The following MTMR3 variants were observed in gnomAD, a reference collection of about 807,000 sequenced individuals.
MTMR3 encodes myotubularin related protein 3.
A neutral mutation model predicts 132.4 loss-of-function variants in MTMR3; 32 were observed. That is an observed-to-expected ratio of 0.24 (90% CI 0.18 to 0.32). The LOEUF (loss-of-function observed/expected upper bound fraction) is 0.32. MTMR3 is among the 10% of genes least tolerant of loss of function. The probability of loss-of-function intolerance (pLI) is 1.00; values close to 1 mark genes in which losing one functional copy is unlikely to be tolerated. For missense variants in MTMR3, 1,216 were observed against 1,489.6 expected, an observed-to-expected ratio of 0.82 and a Z score of 3.02; for synonymous variants, 556 against 550.3, an observed-to-expected ratio of 1.01 and a Z score of -0.14.
intron 9 of MTMR3, chr22:30,005,139 T>C (rs1352036084): frequency 6.6e-6 from 1 of 152,210 alleles, no homozygotes; most frequent in African/African-American, 2.4e-5. Context: ...CTTAAGACAA[T>C]TCTGTTCCTA....
At position 30,006,873 on chromosome 22, in the gene MTMR3, T is replaced by G. The variant is rs2067283733; in HGVS notation, c.672-241T>G. 9 of 467,462 alleles carry G rather than the reference T, an allele frequency of 1.9e-5. No homozygotes were observed. The Admixed American group carries it at 3.2e-4, about 17-fold the overall frequency. 29.0% of individuals were successfully genotyped at this position (467,462 alleles called of 1,614,324 possible). The stretch of plus-strand genomic sequence containing the variant: ...CCATGCCTGACCCCTGTTAGTCATT[T>G]TTTTGGGTAACTTTACAGGGATCTC... On this transcript the variant is annotated intron_variant, in intron 9 of 19. Transcript: ENST00000401950.
intron 7 of MTMR3, chr22:29,993,386 TAC>T (rs1197773714): frequency 3.3e-5 from 5 of 152,226 alleles, no homozygotes; most frequent in African/African-American, 9.6e-5. Flanking sequence ...ATCTTACATG[TAC>T]AGTTTCTGAG....
At chr22:29,997,690 A>G (rs2067089269) in intron 7 of MTMR3, 1 of 152,128 alleles carries the variant, frequency 6.6e-6, no homozygotes, top group African/African-American at 2.4e-5. Flanking sequence ...GTTTCCTGAG[A>G]TTCCTGGCTG....
At chr22:29,914,752 A>G (rs1386603546) in intron 1 of MTMR3, among the ~76,000 whole-genome samples, 1 of 152,144 alleles carries the variant, frequency 6.6e-6, no homozygotes, top group Non-Finnish European at 1.5e-5. Flanking sequence ...AAACACTTCA[A>G]ATTAATACTG....
At chr22:29,903,342 G>A (rs1001738369) in intron 1 of MTMR3, among the ~76,000 whole-genome samples, 2 of 151,108 alleles carry the variant, frequency 1.3e-5, no homozygotes, top group African/African-American at 2.4e-5. Context: ...GTGGTTTGAC[G>A]TTTCAGAGAA....
At chr22:30,015,480 GTCAAGTC>G (rs2067560046) in intron 14 of MTMR3, 1 of 150,348 alleles carries the variant, frequency 6.7e-6, no homozygotes, top group South Asian at 2.1e-4. Context: ...CTTTGTCATC[GTCAAGTC>G]TCCTCCCTCC....
intron 1 of MTMR3, among the ~76,000 whole-genome samples, chr22:29,905,604 T>G (rs2065079068): frequency 6.6e-6 from 1 of 152,216 alleles, no homozygotes; most frequent in Non-Finnish European, 1.5e-5. Context: ...ATAAGGTACT[T>G]CCTTGATGTA....
intron 2 of MTMR3, among the ~76,000 whole-genome samples, chr22:29,962,721 G>A (rs1436496330): frequency 2.0e-5 from 3 of 152,072 alleles, no homozygotes; most frequent in Non-Finnish European, 2.9e-5. Flanking sequence ...CTCTCTTACC[G>A]TCGGTCTTTC....
intron 1 of MTMR3, among the ~76,000 whole-genome samples, chr22:29,906,252 CTGTCTGTCT>C (rs1568998218): frequency 0.084 from 9,461 of 112,456 alleles, 393 homozygotes; most frequent in East Asian, 0.14. Context: ...ATCCGTCTGT[CTGTCTGTCT>C]GTCTGTCTGT....
chr22:29,916,611 C>T (rs1396202701), intron 1 of MTMR3, among the ~76,000 whole-genome samples: 1 of 152,126 alleles, frequency 6.6e-6, no homozygotes, highest in Non-Finnish European at 1.5e-5. Context: ...GTATCTTGTC[C>T]AGTTTTTTAG....
At chr22:29,958,728 T>C (rs1426307746) in intron 2 of MTMR3, among the ~76,000 whole-genome samples, 3 of 152,240 alleles carry the variant, frequency 2.0e-5, no homozygotes, top group South Asian at 2.1e-4. Context: ...TTATTAGTTA[T>C]ATTTGTTGGT....
chr22:29,894,636 C>G (rs1049198738), intron 1 of MTMR3, among the ~76,000 whole-genome samples: 1 of 151,780 alleles, frequency 6.6e-6, no homozygotes, highest in Non-Finnish European at 1.5e-5. Context: ...CTTAGGCAAA[C>G]GATTTTTATT....
intron 8 of MTMR3, chr22:29,999,894 C>G (rs1646863807): frequency 1.3e-5 from 2 of 152,182 alleles, no homozygotes. Context: ...TGCCTGTAGT[C>G]CCAGCAACTT....
At chr22:29,999,724 A>C (rs1373865875) in intron 8 of MTMR3, 1 of 152,250 alleles carries the variant, frequency 6.6e-6, no homozygotes, top group Non-Finnish European at 1.5e-5. Context: ...TATTAATGTA[A>C]CCTTTATTTG....
At chr22:29,916,170 A>G (rs1420999309) in intron 1 of MTMR3, among the ~76,000 whole-genome samples, 2 of 152,150 alleles carry the variant, frequency 1.3e-5, no homozygotes, top group Admixed American at 6.5e-5. Flanking sequence ...CCCTCGGGCT[A>G]GTTGAGCTGT....
chr22:30,028,740 T>TACAA lies in MTMR3; in HGVS notation c.*2943_*2946dup, dbSNP rs2067959069. ...CTGAATGTACCTTCTACCTAAAGTATACAAACACAAAGAGCCAGCTGAGCT... is the reference window on the plus strand; with the variant it reads ...CTGAATGTACCTTCTACCTAAAGTATACAAACAAACACAAAGAGCCAGCTGAGCT... On this transcript the variant is annotated 3_prime_UTR_variant, in exon 20 of 20. Transcript: ENST00000401950. 2 of 152,336 alleles carry TACAA rather than the reference T, an allele frequency of 1.3e-5. No homozygotes were observed. Among genetic ancestry groups the TACAA allele is most frequent in the African/African-American group, 4.8e-5 (2 of 41,450 alleles). The allele number at this position is 152,336 out of a possible 1,614,324, so 9.4% of individuals were successfully genotyped here.
At chr22:29,896,268 C>T (rs999532544) in intron 1 of MTMR3, among the ~76,000 whole-genome samples, 2 of 152,192 alleles carry the variant, frequency 1.3e-5, no homozygotes, top group African/African-American at 4.8e-5. Flanking sequence ...CCAGATCACA[C>T]CACTGCACTC....
At position 30,025,973 on chromosome 22, in the gene MTMR3, C is replaced by T. The variant is rs1302485411; in HGVS notation, c.*172C>T. 9 of 587,460 alleles carry T rather than the reference C, an allele frequency of 1.5e-5. No homozygotes were observed. The highest frequency in any genetic ancestry group is 2.6e-5 in the Non-Finnish European group (9 of 339,926). 36.4% of individuals were successfully genotyped at this position (587,460 alleles called of 1,614,324 possible). A position where few individuals can be genotyped will look rare whatever the true frequency, so the allele number is the denominator to read the frequency against. The stretch of plus-strand genomic sequence containing the variant: ...TTGTAGATTGATTTTTCTTTCCTGT[C>T]CCCCTACTCCCTCCCTACCTTTTCC... On this transcript the variant is annotated 3_prime_UTR_variant, in exon 20 of 20. Transcript: ENST00000401950.
chr22:29,982,937 T>TTGTGTGTGTGTGTGTGTGTGTG (rs144471515), intron 5 of MTMR3: 3 of 146,276 alleles, frequency 2.1e-5, no homozygotes, highest in Non-Finnish European at 3.0e-5. Context: ...AAAAGTTTGT[T>TTGTGTGTGTGTGTGTGTGTGTG]TGTGTGTGTG....
Sources: gnomAD v4.1 joint callset for allele counts (sites outside exome capture counted in the v4.1 genomes callset) on GRCh38, gnomAD v4.1.1 for gene constraint, MANE v1.5 for transcripts, NCBI Gene and HGNC (gene_info 2026-07-23, HGNC 2026-07-21) for gene names.